CORO2B: variants seen among roughly 807,000 people sequenced by gnomAD.
The protein encoded by CORO2B is coronin-2B.
CORO2B carries 26 observed loss-of-function variants against 58.8 expected under a neutral mutation model. The ratio of observed to expected loss-of-function variants is 0.44; its 90% CI spans 0.32 to 0.61. The LOEUF is 0.61. CORO2B is among the 20% of genes least tolerant of loss of function. The probability of loss-of-function intolerance (pLI) is 0.04; values close to 1 mark genes in which losing one functional copy is unlikely to be tolerated. For synonymous variants in CORO2B, 242 were observed against 253.8 expected (o/e 0.95, Z 0.44); for missense variants, 460 against 645.1 (o/e 0.71, Z 3.11).
At position 68,588,936 on chromosome 15, in the gene CORO2B, C is replaced by T. The variant is rs149246949; in HGVS notation, c.15+9659C>T. On this transcript the variant is annotated intron_variant, in intron 1 of 11. Transcript: ENST00000261861. Reference sequence around the variant, plus strand: ...AAATGCATGGGGAAATTTGGGATTCCGAGAAATTTGGAATTCTGGGAAAGG... The same window carrying T: ...AAATGCATGGGGAAATTTGGGATTCTGAGAAATTTGGAATTCTGGGAAAGG... Among the ~76,000 whole-genome samples, 71 of 152,180 alleles carry T rather than the reference C, an allele frequency of 4.7e-4. No individual in the cohort carries two copies. In the East Asian group the frequency reaches 0.012, roughly 25 times the overall value.
chr15:68,632,625 C>T (rs1171356066), intron 1 of CORO2B, among the ~76,000 whole-genome samples: 1 of 152,212 alleles, frequency 6.6e-6, no homozygotes, highest in Non-Finnish European at 1.5e-5. Context: ...GAGTCTTGCT[C>T]TGTCATCCAG....
At chr15:68,632,876 G>A (rs528194041) in intron 1 of CORO2B, among the ~76,000 whole-genome samples, 1 of 152,380 alleles carries the variant, frequency 6.6e-6, no homozygotes. Flanking sequence ...ACAGGCGTGA[G>A]CCACCACACC....
chr15:68,574,287 C>T (rs1396836863), upstream of CORO2B, among the ~76,000 whole-genome samples: 1 of 152,160 alleles, frequency 6.6e-6, no homozygotes, highest in African/African-American at 2.4e-5. Flanking sequence ...AGCATGTGGG[C>T]ATGCCGCCTG....
At chr15:68,651,136 G>T (rs983765881) in intron 2 of CORO2B, among the ~76,000 whole-genome samples, 3 of 152,220 alleles carry the variant, frequency 2.0e-5, no homozygotes, top group African/African-American at 7.2e-5. Flanking sequence ...GCTCAAGTAA[G>T]TAGTTTGAGG....
chr15:68,586,788 G>T (rs189286287), intron 1 of CORO2B, among the ~76,000 whole-genome samples: 1 of 152,204 alleles, frequency 6.6e-6, no homozygotes, highest in African/African-American at 2.4e-5. Flanking sequence ...AGGCAAGGGG[G>T]TGTGGAAGTG....
At chr15:68,682,388 C>T (rs1401270518) in intron 2 of CORO2B, among the ~76,000 whole-genome samples, 1 of 152,096 alleles carries the variant, frequency 6.6e-6, no homozygotes, top group Non-Finnish European at 1.5e-5. Context: ...GATGTAAAGG[C>T]GTTTGTGGGG....
chr15:68,691,642 AAAAAG>A (rs1567010542), intron 2 of CORO2B, among the ~76,000 whole-genome samples: 1 of 148,912 alleles, frequency 6.7e-6, no homozygotes. Flanking sequence ...AAAAAAAAAA[AAAAAG>A]AAAAGAAAAG....
intron 3 of CORO2B, among the ~76,000 whole-genome samples, chr15:68,707,491 A>G (rs1461371947): frequency 2.0e-5 from 3 of 152,228 alleles, no homozygotes; most frequent in Non-Finnish European, 4.4e-5. Flanking sequence ...TTAGATGTCA[A>G]TTAATAGAGG....
intron 1 of CORO2B, among the ~76,000 whole-genome samples, chr15:68,631,201 A>C (rs28727290): frequency 6.6e-6 from 1 of 151,980 alleles, no homozygotes; most frequent in African/African-American, 2.4e-5. Context: ...TTGACTCCCC[A>C]TGTCCCCCAA....
chr15:68,624,793 T>C (rs28528746), intron 1 of CORO2B, among the ~76,000 whole-genome samples: 30,192 of 151,972 alleles, frequency 0.2, 4,869 homozygotes, highest in African/African-American at 0.45. Flanking sequence ...CCTGATTCTC[T>C]TGCCTCAGCC....
chr15:68,568,923 G>A, the CORO2B span, among the ~76,000 whole-genome samples: 313 of 152,036 alleles, frequency 2.1e-3, no homozygotes, highest in Non-Finnish European at 3.9e-3. Flanking sequence ...AACCAACATG[G>A]TACACGTTTA....
At chr15:68,669,165 A>G (rs928670699) in intron 2 of CORO2B, among the ~76,000 whole-genome samples, 1 of 148,168 alleles carries the variant, frequency 6.7e-6, no homozygotes, top group African/African-American at 2.5e-5. Context: ...GAAAAGAAAG[A>G]AAGAAAAGAA....
intron 2 of CORO2B, among the ~76,000 whole-genome samples, chr15:68,674,166 G>T (rs1902495893): frequency 6.6e-6 from 1 of 152,186 alleles, no homozygotes; most frequent in South Asian, 2.1e-4. Context: ...GCTGAGAGTA[G>T]CGCAGCCACC....
chr15:68,646,915 C>T (rs1307213784), intron 2 of CORO2B, among the ~76,000 whole-genome samples: 1 of 152,170 alleles, frequency 6.6e-6, no homozygotes, highest in East Asian at 1.9e-4. Context: ...ATCAGATGGC[C>T]TCCGATCACT....
At chr15:68,648,678 G>C (rs1430880141) in intron 2 of CORO2B, among the ~76,000 whole-genome samples, 1 of 152,042 alleles carries the variant, frequency 6.6e-6, no homozygotes, top group African/African-American at 2.4e-5. Context: ...GAAAGAGAGA[G>C]AGAAAGGAAG....
At chr15:68,665,990 C>A (rs1902177308) in intron 2 of CORO2B, among the ~76,000 whole-genome samples, 2 of 152,254 alleles carry the variant, frequency 1.3e-5, no homozygotes, top group Admixed American at 6.5e-5. Flanking sequence ...TTGTTCCTAA[C>A]TTTGATGGCA....
chr15:68,629,456 G>A (rs1455128581), intron 1 of CORO2B, among the ~76,000 whole-genome samples: 7 of 152,236 alleles, frequency 4.6e-5, no homozygotes, highest in Admixed American at 3.3e-4. Context: ...AGTGGAAGAG[G>A]TGAGGAGAGA....
chr15:68,525,267 A>T, the CORO2B span, among the ~76,000 whole-genome samples: 12 of 152,170 alleles, frequency 7.9e-5, no homozygotes, highest in Admixed American at 1.3e-4. Flanking sequence ...TTCAGGGGGG[A>T]CGGGGGACAG....
chr15:68,686,237 C>T (rs1902975674), intron 2 of CORO2B, among the ~76,000 whole-genome samples: 1 of 151,656 alleles, frequency 6.6e-6, no homozygotes, highest in African/African-American at 2.4e-5. Context: ...GGTTCTGTCA[C>T]GTTGGCCAGG....
Sources: gnomAD v4.1 joint callset for allele counts (sites outside exome capture counted in the v4.1 genomes callset) on GRCh38, gnomAD v4.1.1 for gene constraint, MANE v1.5 for transcripts, NCBI Gene and HGNC (gene_info 2026-07-23, HGNC 2026-07-21) for gene names.